The following GAS2 variants were observed in gnomAD, a reference collection of about 807,000 sequenced individuals.
GAS2 encodes the protein growth arrest specific 2.
Under a neutral mutation model 37.5 loss-of-function variants are expected in GAS2, and 20 were observed. The ratio of observed to expected loss-of-function variants is 0.53; its 90% confidence interval spans 0.37 to 0.77. GAS2 has a LOEUF of 0.77. GAS2 is among the 30% of genes least tolerant of loss of function. GAS2 has a pLI of 0.00. For synonymous variants in GAS2, 144 were observed against 132.2 expected (o/e 1.09, Z -0.61); for missense variants, 336 against 373.4 (o/e 0.90, Z 0.82).
chr11:22,792,813 G>C (rs1391881944), intron 7 of GAS2, among the ~76,000 whole-genome samples: 4 of 152,198 alleles, frequency 2.6e-5, no homozygotes, highest in Admixed American at 1.3e-4. Context: ...TCATCTTTAA[G>C]AAGACTGAAA....
intron 3 of GAS2, among the ~76,000 whole-genome samples, chr11:22,706,884 G>C (rs536986392): frequency 9.2e-5 from 14 of 152,146 alleles, no homozygotes; most frequent in Admixed American, 6.6e-4. Flanking sequence ...GGTATTTCTA[G>C]TTCTAGATCC....
rs148249434 is a variant in GAS2, at chr11:22,674,399, G to A, written c.-20-451G>A. On this transcript the variant is annotated intron_variant, in intron 1 of 7. Transcript: ENST00000454584. ...AACCTTTTAGGCTATATTTTTAAGG[G>A]TAATGATCATGTGTTTACAGTGAGT... 1.6e-3 allele frequency among the ~76,000 whole-genome samples: 238 copies of A among 152,104 alleles called. 2 individuals carry two copies. The highest frequency in any genetic ancestry group is 3.4e-3 in the Middle Eastern group (1 of 294).
intron 6 of GAS2, among the ~76,000 whole-genome samples, chr11:22,752,396 A>G (rs1853791878): frequency 6.6e-6 from 1 of 151,972 alleles, no homozygotes; most frequent in Non-Finnish European, 1.5e-5. Context: ...GCAGAGAGAA[A>G]AGTAATCTGA....
At chr11:22,749,067 T>C (rs1303398382) in intron 5 of GAS2, 53 bp from the exon 6 acceptor site, 2 of 1,489,024 alleles carry the variant, frequency 1.3e-6, no homozygotes, top group East Asian at 2.3e-5. Context: ...TAATATATGG[T>C]AATTGTATCA....
intron 1 of GAS2, among the ~76,000 whole-genome samples, chr11:22,645,121 A>T (rs1165509853): frequency 1.3e-5 from 2 of 152,210 alleles, no homozygotes; most frequent in African/African-American, 4.8e-5. Flanking sequence ...TCTACATATC[A>T]TAAAATGCCA....
At chr11:22,637,227 A>G (rs1375925236) in intron 1 of GAS2, among the ~76,000 whole-genome samples, 6 of 87,318 alleles carry the variant, frequency 6.9e-5, no homozygotes, top group Admixed American at 3.0e-4. Context: ...ATAGTATACT[A>G]ATATAATATT....
rs536535292 is a variant in GAS2, at chr11:22,651,267, A to T, written c.-20-23583A>T. 1.8e-4 allele frequency among the ~76,000 whole-genome samples: 28 copies of T among 152,310 alleles called. No individual in the cohort carries two copies. In the Middle Eastern group the frequency reaches 0.01, roughly 56 times the overall value. ...TGGCCCCCACTGTCTTCTGGCTTGT[A>T]GAGTTTCTGCTGAGAGATCCGCTGT... On this transcript the variant is annotated intron_variant, in intron 1 of 5. Transcript: ENST00000528582.
chr11:22,674,802 T>TCTTTATACA (rs1849350274), intron 1 of GAS2, 48 bp from the exon 2 acceptor site: 7 of 1,405,430 alleles, frequency 5.0e-6, no homozygotes, highest in Non-Finnish European at 6.8e-6. Flanking sequence ...CAACATTTTG[T>TCTTTATACA]GAGAGAAGTC....
chr11:22,801,493 G>T (rs1266237207), intron 7 of GAS2, among the ~76,000 whole-genome samples: 1 of 151,480 alleles, frequency 6.6e-6, no homozygotes, highest in Non-Finnish European at 1.5e-5. Context: ...AAAATTAAAA[G>T]GTCTCAAAAA....
At chr11:22,759,472 A>T (rs1854247482) in intron 7 of GAS2, among the ~76,000 whole-genome samples, 1 of 152,134 alleles carries the variant, frequency 6.6e-6, no homozygotes, top group East Asian at 1.9e-4. Context: ...CCAAATGGGA[A>T]TTTTTTTTGT....
intron 3 of GAS2, among the ~76,000 whole-genome samples, chr11:22,695,913 T>G (rs1198667671): frequency 6.6e-6 from 1 of 152,178 alleles, no homozygotes; most frequent in African/African-American, 2.4e-5. Flanking sequence ...ATTCTTCCTA[T>G]GCAAATATTT....
intron 7 of GAS2, among the ~76,000 whole-genome samples, chr11:22,810,238 A>G (rs1488345099): frequency 6.6e-6 from 1 of 152,200 alleles, no homozygotes; most frequent in Non-Finnish European, 1.5e-5. Flanking sequence ...AAGGGTAAGG[A>G]AGAGGAATTG....
rs905393160 is a variant in GAS2, at chr11:22,706,326, G to A, written c.268-19966G>A. Among the ~76,000 whole-genome samples, 8 of 146,906 alleles carry A rather than the reference G, an allele frequency of 5.4e-5. No homozygotes were observed. The South Asian group carries it at 8.6e-4, about 16-fold the overall frequency. Reference sequence around the variant, plus strand: ...GCAGTGGAATGGGAAAGAAGTAGACGGTTTTTTTTTTTCTTTTATTATTAT... The same window carrying A: ...GCAGTGGAATGGGAAAGAAGTAGACAGTTTTTTTTTTTCTTTTATTATTAT... On this transcript the variant is annotated intron_variant, in intron 3 of 7. Coordinates refer to ENST00000454584, the MANE Select transcript of GAS2 (RefSeq NM_001143830.3).
intron 7 of GAS2, among the ~76,000 whole-genome samples, chr11:22,765,696 G>A (rs995928482): frequency 6.6e-6 from 1 of 151,784 alleles, no homozygotes; most frequent in African/African-American, 2.4e-5. Flanking sequence ...GGAGAATGGC[G>A]TGAACCCAGG....
chr11:22,723,764 CT>C (rs1418439989), intron 3 of GAS2, among the ~76,000 whole-genome samples: 4 of 151,782 alleles, frequency 2.6e-5, no homozygotes, highest in Non-Finnish European at 5.9e-5. Flanking sequence ...TAATTTTGTT[CT>C]TTTCCTAAAC....
rs749671965 is a variant in GAS2, at chr11:22,755,910, C to G, written c.680C>G (p.Ser227Cys). The G allele has an allele frequency of 4.3e-6, 7 of 1,612,910 alleles. No individual in the cohort carries two copies. The highest frequency in any genetic ancestry group is 5.1e-6 in the Non-Finnish European group (6 of 1,179,176). Reference sequence around the variant, plus strand: ...AACAAGTTCTGTGTGGAGCGGCTCTCCCAAGGAAGATACCGAGTGGGAGAA... The same window carrying G: ...AACAAGTTCTGTGTGGAGCGGCTCTGCCAAGGAAGATACCGAGTGGGAGAA... ...CPNKFCVERL[S>C]QGRYRVGEKI... The change falls in exon 7 of 8, where the codon TCC becomes TGC. Residue 227 changes from serine to cysteine, a missense_variant. Ser to Cys is a moderately radical substitution (Grantham distance 112). Transcript: ENST00000454584.
At chr11:22,749,740 A>C (rs2134292980) in intron 6 of GAS2, among the ~76,000 whole-genome samples, 1 of 152,152 alleles carries the variant, frequency 6.6e-6, no homozygotes, top group African/African-American at 2.4e-5. Flanking sequence ...AAATTGAGTA[A>C]CCTGCTGAGG....
At chr11:22,710,995 T>C (rs1218406348) in intron 3 of GAS2, among the ~76,000 whole-genome samples, 1 of 152,182 alleles carries the variant, frequency 6.6e-6, no homozygotes, top group African/African-American at 2.4e-5. Context: ...CCCACTTAGA[T>C]GGACAGAACA....
intron 7 of GAS2, among the ~76,000 whole-genome samples, chr11:22,773,463 G>A (rs1343431094): frequency 4.4e-5 from 6 of 136,396 alleles, no homozygotes. Flanking sequence ...GTGTGATCTC[G>A]GCTCACTGCA....
Sources: gnomAD v4.1 joint callset for allele counts (sites outside exome capture counted in the v4.1 genomes callset) on GRCh38, gnomAD v4.1.1 for gene constraint, MANE v1.5 for transcripts, NCBI Gene and HGNC (gene_info 2026-07-23, HGNC 2026-07-21) for gene names.